SH3BGRL2: variants seen among roughly 807,000 people sequenced by gnomAD.
SH3BGRL2 encodes SH3 domain-binding glutamic acid-rich-like protein 2.
In SH3BGRL2, 21 loss-of-function variants were observed where a neutral mutation model predicts 14.8. The ratio of observed to expected loss-of-function variants is 1.42; its 90% CI spans 1.01 to 2.05. The LOEUF (loss-of-function observed/expected upper bound fraction) is 2.05. Ranked by LOEUF, SH3BGRL2 falls within the 30% of genes most tolerant of loss-of-function variation. The pLI, the probability that SH3BGRL2 is intolerant of heterozygous loss-of-function variation, is 0.00. For synonymous variants in SH3BGRL2, 50 were observed against 47.8 expected, an observed-to-expected ratio of 1.05 and a Z score of -0.19; for missense variants, 147 against 130.8, an observed-to-expected ratio of 1.12 and a Z score of -0.61.
chr6:79,571,097 T>C, the SH3BGRL2 span, among the ~76,000 whole-genome samples: 1 of 152,240 alleles, frequency 6.6e-6, no homozygotes, highest in African/African-American at 2.4e-5. Flanking sequence ...AGATGCTTTG[T>C]TAGTTAAGAA....
At position 79,676,609 on chromosome 6, in the gene SH3BGRL2, G is replaced by A. The variant is rs9717919; in HGVS notation, c.231+2810G>A. 7.6e-5 allele frequency among the ~76,000 whole-genome samples: 7 copies of A among 92,628 alleles called. No individual in the cohort carries two copies. The East Asian group carries it at 8.4e-4, about 11-fold the overall frequency. 60.8% of individuals were successfully genotyped at this position (92,628 alleles called of 152,430 possible). A position where few individuals can be genotyped will look rare whatever the true frequency, so the allele number is the denominator to read the frequency against. ...CCTAGCTTTATGTCTTTATGTATGT[G>A]TGTGTGTGTGTGTGTGTGTGTGTGT... is the stretch of plus-strand genomic sequence containing the variant. On this transcript the variant is annotated intron_variant, in intron 2 of 3. Coordinates refer to ENST00000369838, the MANE Select transcript of SH3BGRL2 (RefSeq NM_031469.4).
At chr6:79,549,463 T>A in the SH3BGRL2 span, among the ~76,000 whole-genome samples, 3 of 152,226 alleles carry the variant, frequency 2.0e-5, no homozygotes, top group African/African-American at 4.8e-5. Context: ...TACCATTTTT[T>A]ATCTTTTATA....
intron 1 of SH3BGRL2, among the ~76,000 whole-genome samples, chr6:79,635,555 G>A (rs1768906337): frequency 6.6e-6 from 1 of 152,242 alleles, no homozygotes; most frequent in Non-Finnish European, 1.5e-5. Context: ...GCATAAATCA[G>A]TGCTGTCTCT....
chr6:79,586,215 T>G, the SH3BGRL2 span, among the ~76,000 whole-genome samples: 5 of 133,584 alleles, frequency 3.7e-5, no homozygotes, highest in Admixed American at 2.3e-4. Context: ...AAAAAAGCTA[T>G]AAGATTTATG....
intron 2 of SH3BGRL2, among the ~76,000 whole-genome samples, chr6:79,676,233 CTCTT>C (rs1295667354): frequency 6.6e-6 from 1 of 152,084 alleles, no homozygotes; most frequent in African/African-American, 2.4e-5. Flanking sequence ...TTTTCAGTCT[CTCTT>C]CAGTGCCCAT....
At chr6:79,559,727 A>C in the SH3BGRL2 span, among the ~76,000 whole-genome samples, 2 of 152,238 alleles carry the variant, frequency 1.3e-5, no homozygotes, top group Non-Finnish European at 2.9e-5. Context: ...TACGTAAGAG[A>C]ACACCCTTAT....
chr6:79,644,803 C>T (rs1046609842), intron 1 of SH3BGRL2, among the ~76,000 whole-genome samples: 3 of 151,924 alleles, frequency 2.0e-5, no homozygotes, highest in Admixed American at 1.3e-4. Context: ...TGATTTTTTT[C>T]AACTTTAAAT....
chr6:79,547,805 G>C, the SH3BGRL2 span, among the ~76,000 whole-genome samples: 2 of 152,096 alleles, frequency 1.3e-5, no homozygotes, highest in African/African-American at 4.8e-5. Flanking sequence ...TGTAATTTTT[G>C]TTAATACCCT....
chr6:79,583,997 T>G, the SH3BGRL2 span, among the ~76,000 whole-genome samples: 2 of 152,184 alleles, frequency 1.3e-5, no homozygotes, highest in African/African-American at 4.8e-5. Context: ...GTTTCAGAGA[T>G]ACAAGAGACA....
Position 79,631,421 on chromosome 6 carries a change from A to T in SH3BGRL2, c.-41A>T. On this transcript the variant is annotated 5_prime_UTR_variant, in exon 1 of 4. Transcript: ENST00000369838. ...CAGCTCTGCGTCCACGCCAGCCCGGAGCCCGGGGGGCAAGGGGTCTGTCCC... is the reference window on the plus strand; with the variant it reads ...CAGCTCTGCGTCCACGCCAGCCCGGTGCCCGGGGGGCAAGGGGTCTGTCCC... 6.7e-7 allele frequency: 1 copy of T among 1,499,202 alleles called. No homozygotes were observed. Among genetic ancestry groups the T allele is most frequent in the Non-Finnish European group, 8.9e-7 (1 of 1,122,292 alleles). The allele number at this position is 1,499,202 out of a possible 1,614,324, so 92.9% of individuals were successfully genotyped here. A position where few individuals can be genotyped will look rare whatever the true frequency, so the allele number is the denominator to read the frequency against.
At chr6:79,619,365 G>A in the SH3BGRL2 span, among the ~76,000 whole-genome samples, 1 of 151,680 alleles carries the variant, frequency 6.6e-6, no homozygotes, top group African/African-American at 2.4e-5. Flanking sequence ...AATTTATCCT[G>A]GAAAATCCAT....
the SH3BGRL2 span, among the ~76,000 whole-genome samples, chr6:79,598,872 C>T: frequency 0.25 from 37,315 of 151,666 alleles, 4,753 homozygotes; most frequent in Middle Eastern, 0.42. Flanking sequence ...CACCTGAGGT[C>T]GGGAGTTCAA....
At chr6:79,666,304 C>T (rs1769658328) in intron 1 of SH3BGRL2, among the ~76,000 whole-genome samples, 1 of 152,164 alleles carries the variant, frequency 6.6e-6, no homozygotes, top group African/African-American at 2.4e-5. Flanking sequence ...AGGGCAGGGA[C>T]AAGGGGCCTT....
At chr6:79,622,395 C>A in the SH3BGRL2 span, among the ~76,000 whole-genome samples, 46 of 152,188 alleles carry the variant, frequency 3.0e-4, no homozygotes, top group Admixed American at 3.9e-4. Context: ...ATTTCCTAAA[C>A]TATTACTTAT....
the SH3BGRL2 span, among the ~76,000 whole-genome samples, chr6:79,579,162 T>C: frequency 6.6e-6 from 1 of 152,112 alleles, no homozygotes; most frequent in African/African-American, 2.4e-5. Context: ...AAAGACCAAA[T>C]CTATATTTGT....
the SH3BGRL2 span, among the ~76,000 whole-genome samples, chr6:79,607,644 G>A: frequency 6.6e-6 from 1 of 152,034 alleles, no homozygotes; most frequent in African/African-American, 2.4e-5. Flanking sequence ...TTGAGACTGG[G>A]TAATTTATAA....
intron 1 of SH3BGRL2, among the ~76,000 whole-genome samples, chr6:79,636,765 C>T (rs990984189): frequency 1.3e-5 from 2 of 152,202 alleles, no homozygotes; most frequent in Admixed American, 6.5e-5. Context: ...AGATGTATCA[C>T]CCTCATCTCT....
chr6:79,646,736 T>G (rs1044103334), intron 1 of SH3BGRL2, among the ~76,000 whole-genome samples: 2 of 152,224 alleles, frequency 1.3e-5, no homozygotes, highest in Non-Finnish European at 2.9e-5. Flanking sequence ...CTAATCTGCT[T>G]TCTGACTCAA....
the SH3BGRL2 span, among the ~76,000 whole-genome samples, chr6:79,582,405 C>G: frequency 6.6e-6 from 1 of 152,094 alleles, no homozygotes; most frequent in Non-Finnish European, 1.5e-5. Flanking sequence ...GCTACAGTAA[C>G]CAAAACAGCA....
Sources: gnomAD v4.1 joint callset for allele counts (sites outside exome capture counted in the v4.1 genomes callset) on GRCh38, gnomAD v4.1.1 for gene constraint, MANE v1.5 for transcripts, NCBI Gene and HGNC (gene_info 2026-07-23, HGNC 2026-07-21) for gene names.